GMPS: variants seen among roughly 807,000 people sequenced by gnomAD.
GMPS encodes guanosine monophosphate synthase.
A neutral mutation model predicts 77.9 loss-of-function variants in GMPS; 15 were observed. That is an observed-to-expected ratio of 0.19 (90% confidence interval 0.13 to 0.30). The LOEUF (loss-of-function observed/expected upper bound fraction) is 0.30. GMPS is among the 10% of genes least tolerant of loss of function. The pLI is 1.00. For synonymous variants in GMPS, 224 were observed against 275.9 expected (o/e 0.81, Z 1.86); for missense variants, 590 against 838.8 (o/e 0.70, Z 3.66).
chr3:155,928,059 C>CT (rs1459748072), intron 12 of GMPS, among the ~76,000 whole-genome samples: 2 of 104,548 alleles, frequency 1.9e-5, no homozygotes, highest in Non-Finnish European at 3.4e-5. Flanking sequence ...TGGAGTCTTG[C>CT]TCTGTCACCC....
Position 155,916,116 on chromosome 3 carries a change from T to C in GMPS, c.1136T>C (p.Leu379Pro), listed in dbSNP as rs757902468. 2 of 1,613,242 alleles carry C rather than the reference T, an allele frequency of 1.2e-6. No homozygotes were observed. Among genetic ancestry groups the C allele is most frequent in the Non-Finnish European group, 1.7e-6 (2 of 1,179,226 alleles). The change falls in exon 9 of 16, where the codon CTT becomes CCT. Residue 379 changes from leucine (L) to proline (P), a missense_variant. Physicochemically the swap from Leu to Pro is moderately conservative, Grantham distance 98. Transcript: ENST00000496455. ...CCTGATCTAATTGAAAGTGCATCCC[T>C]TGTTGCAAGTGGCAAAGCTGAACTC... ...LRPDLIESAS[L>P]VASGKAELIK...
intron 1 of GMPS, among the ~76,000 whole-genome samples, chr3:155,879,336 C>T (rs1577498586): frequency 6.8e-6 from 1 of 146,848 alleles, no homozygotes. Flanking sequence ...GGTGCTATCT[C>T]AGCTCACTGC....
At chr3:155,875,233 T>C (rs113952331) in intron 1 of GMPS, among the ~76,000 whole-genome samples, 4,035 of 151,808 alleles carry the variant, frequency 0.027, 101 homozygotes, top group Non-Finnish European at 0.042. Context: ...TCCTGTGTTT[T>C]GTTTTGTTTG....
intron 7 of GMPS, among the ~76,000 whole-genome samples, chr3:155,912,686 G>A (rs1164703355): frequency 3.9e-5 from 6 of 152,140 alleles, no homozygotes; most frequent in Admixed American, 2.0e-4. Flanking sequence ...TGTTATTCTG[G>A]TTCTTGAAGG....
rs1457000914 is a variant in GMPS, at chr3:155,939,655, C to G, written c.*1963C>G. The G allele has an allele frequency of 1.0e-5, 2 of 191,826 alleles. No individual in the cohort carries two copies. Among genetic ancestry groups the G allele is most frequent in the African/African-American group, 4.7e-5 (2 of 42,962 alleles). The allele number at this position is 191,826 out of a possible 1,614,324, so 11.9% of individuals were successfully genotyped here. On this transcript the variant is annotated 3_prime_UTR_variant, in exon 16 of 16. Coordinates refer to ENST00000496455, the MANE Select transcript of GMPS (RefSeq NM_003875.3). ...TTTTTTGAACACCTTTTATATAATCCCTTCTAATATATACTTAGTATATAC... is the reference window on the plus strand; with the variant it reads ...TTTTTTGAACACCTTTTATATAATCGCTTCTAATATATACTTAGTATATAC...
chr3:155,875,757 T>C (rs902580818), intron 1 of GMPS, among the ~76,000 whole-genome samples: 4 of 152,234 alleles, frequency 2.6e-5, no homozygotes, highest in African/African-American at 7.2e-5. Context: ...CTTCTGTATT[T>C]GCTCAAGAAG....
chr3:155,884,005 T>TG (rs1212327828), intron 1 of GMPS, among the ~76,000 whole-genome samples: 1 of 152,046 alleles, frequency 6.6e-6, no homozygotes, highest in Non-Finnish European at 1.5e-5. Flanking sequence ...AGTTGGCTAA[T>TG]GCTTGTTATT....
At position 155,893,631 on chromosome 3, in the gene GMPS, A is replaced by G. The variant is rs1239399387; in HGVS notation, c.141A>G (p.Glu47=). ...AAGTCATAGACCGAAGAGTGAGGGA[A>G]CTGTTCGTGCAGTCTGAAATTTTCC... is the stretch of plus-strand genomic sequence containing the variant. The part of the protein sequence containing the change: ...YGKVIDRRVR[E]LFVQSEIFPL... The change falls in exon 2 of 16, where the codon GAA becomes GAG. Residue 47 remains glutamate, a synonymous_variant. Transcript: ENST00000496455. 1.2e-6 allele frequency: 2 copies of G among 1,612,358 alleles called. No individual in the cohort carries two copies. Among genetic ancestry groups the G allele is most frequent in the Admixed American group, 1.7e-5 (1 of 60,014 alleles).
intron 13 of GMPS, among the ~76,000 whole-genome samples, chr3:155,932,929 C>T (rs773265801): frequency 1.6e-4 from 24 of 152,016 alleles, no homozygotes; most frequent in Non-Finnish European, 2.6e-4. Flanking sequence ...TGGTGGCTCA[C>T]GCCTGTAATC....
rs3821365 is a variant in GMPS at position 155,919,006 on chromosome 3, A to T, written c.1213-227A>T. ...GGTTTACCCTGATTTATTTATATTT[A>T]AAAAGCTTATGTTTAAAATGTGCTT... On this transcript the variant is annotated intron_variant, in intron 9 of 15. Coordinates refer to ENST00000496455, the MANE Select transcript of GMPS (RefSeq NM_003875.3). Among the ~76,000 whole-genome samples the T allele has an allele frequency of 0.61, 93,138 of 152,058 alleles. 29,091 individuals are homozygous for T. The highest frequency in any genetic ancestry group is 0.64 in the African/African-American group (26,638 of 41,474).
intron 13 of GMPS, 24 bp downstream of exon 13, chr3:155,931,904 G>A: frequency 9.7e-7 from 1 of 1,036,168 alleles, no homozygotes; most frequent in African/African-American, 1.6e-5. Flanking sequence ...GAGCTAGGGT[G>A]GGGGCTTGTG....
At position 155,914,055 on chromosome 3, in the gene GMPS, T is replaced by A. The variant is rs373117009; in HGVS notation, c.887-364T>A. 3.5e-4 allele frequency among the ~76,000 whole-genome samples: 54 copies of A among 152,218 alleles called. No individual in the cohort carries two copies. In the East Asian group the frequency reaches 8.3e-3, roughly 23 times the overall value. ...TCCGCCTCCCGGGTTCACACCATTC[T>A]CCTGCCTCGGCTTCCCAAGTAGCTG... On this transcript the variant is annotated intron_variant, in intron 7 of 15. Transcript: ENST00000496455.
intron 3 of GMPS, among the ~76,000 whole-genome samples, chr3:155,902,027 A>T (rs1007639548): frequency 1.3e-5 from 2 of 152,194 alleles, no homozygotes; most frequent in Non-Finnish European, 2.9e-5. Context: ...AAACTTTGAC[A>T]TATAAGAAAG....
At chr3:155,882,160 G>C (rs1754221801) in intron 1 of GMPS, among the ~76,000 whole-genome samples, 1 of 152,178 alleles carries the variant, frequency 6.6e-6, no homozygotes, top group South Asian at 2.1e-4. Flanking sequence ...TTGTGCTTGA[G>C]CCCAGTGACA....
At chr3:155,908,500 A>T (rs145824400) in intron 5 of GMPS, among the ~76,000 whole-genome samples, 2,633 of 152,286 alleles carry the variant, frequency 0.017, 39 homozygotes, top group Middle Eastern at 0.024. Flanking sequence ...TTTCTACAGC[A>T]GTAGAAGAGG....
chr3:155,936,205 A>T, intron 14 of GMPS, 133 bp from the exon 15 acceptor site: 1 of 618,260 alleles, frequency 1.6e-6, no homozygotes, highest in Non-Finnish European at 2.9e-6. Flanking sequence ...GCTGAAATCA[A>T]TGCATGATGA....
chr3:155,878,134 A>C (rs1435765476), intron 1 of GMPS, among the ~76,000 whole-genome samples: 1 of 152,104 alleles, frequency 6.6e-6, no homozygotes, highest in Non-Finnish European at 1.5e-5. Flanking sequence ...CTCATGCTCT[A>C]ACCACCTCCC....
chr3:155,911,202 T>C lies in GMPS; in HGVS notation c.809T>C (p.Ile270Thr). 5.6e-6 allele frequency: 9 copies of C among 1,612,872 alleles called. No individual in the cohort carries two copies. Among genetic ancestry groups the C allele is most frequent in the South Asian group, 1.1e-5 (1 of 91,012 alleles). The change falls in exon 7 of 16, where the codon ATT (isoleucine) becomes ACT (threonine). Residue 270 changes from isoleucine (I) to threonine (T), a missense_variant. By Grantham distance (89) the Ile-to-Thr change is moderately conservative. Transcript: ENST00000496455. Reference sequence around the variant, plus strand: ...CAAGAACAAGTCATTGCTGTGCACATTGATAATGGCTTTATGAGAAAACGA... The same window carrying C: ...CAAGAACAAGTCATTGCTGTGCACACTGATAATGGCTTTATGAGAAAACGA... ...LNQEQVIAVH[I>T]DNGFMRKRES...
At chr3:155,892,590 A>G (rs1754498529) in intron 1 of GMPS, among the ~76,000 whole-genome samples, 1 of 152,224 alleles carries the variant, frequency 6.6e-6, no homozygotes. Flanking sequence ...GAAAAGTGTT[A>G]TCCATGTATA....
Sources: allele counts gnomAD v4.1 joint callset (sites outside exome capture counted in the v4.1 genomes callset), GRCh38; gene constraint gnomAD v4.1.1; transcripts MANE v1.5; gene names NCBI Gene and HGNC (gene_info 2026-07-23, HGNC 2026-07-21).